Variants in SLC25A39 observed in about 807,000 individuals in gnomAD.
The protein encoded by SLC25A39 is mitochondrial glutathione transporter SLC25A39.
In SLC25A39, 44 loss-of-function variants were observed where a neutral mutation model predicts 46.6. The observed-to-expected ratio is 0.94, with a 90% CI of 0.74 to 1.21. The LOEUF (loss-of-function observed/expected upper bound fraction) is 1.21, where lower values mean the gene tolerates loss of function less well. SLC25A39 is among the 50% of genes most tolerant of loss of function. The pLI is 0.00. For missense variants in SLC25A39, 487 were observed against 473.0 expected (o/e 1.03, Z -0.28); for synonymous variants, 218 against 190.6 (o/e 1.14, Z -1.19).
chr17:44,320,882 C>G, intron 8 of SLC25A39, 151 bp from the exon 9 acceptor site: 1 of 973,598 alleles, frequency 1.0e-6, no homozygotes, highest in African/African-American at 1.6e-5. Context: ...AATTAATCTC[C>G]TGACCGCCTG....
At position 44,322,536 on chromosome 17, in the gene SLC25A39, T is replaced by C. The variant is rs768741107; in HGVS notation, c.207A>G (p.Gln69=). ...AATACAGGAGGCACTTCCCTGTGGA[T>C]TGGAGAGAGGAGGGCACTGGGGAAA... ...LSYTKLPSSL[Q]STGKCLLYCN... is the part of the protein sequence containing the mutation. Residue 69 remains glutamine (Q), a synonymous_variant, in exon 5 of 12, where the codon CAA becomes CAG. Coordinates refer to ENST00000377095, the MANE Select transcript of SLC25A39 (RefSeq NM_001143780.3). 7 of 1,613,994 alleles carry C rather than the reference T, an allele frequency of 4.3e-6. No individual in the cohort carries two copies. Among genetic ancestry groups the C allele is most frequent in the South Asian group, 3.3e-5 (3 of 91,072 alleles).
intron 8 of SLC25A39, 134 bp downstream of exon 8, chr17:44,320,924 C>T: frequency 8.4e-7 from 1 of 1,185,006 alleles, no homozygotes; most frequent in Non-Finnish European, 1.2e-6. Context: ...GCCCACTTCA[C>T]AGATGAGAAA....
chr17:44,322,507 T>C lies in SLC25A39; in HGVS notation c.236A>G (p.Asn79Ser), dbSNP rs199503270. The C allele has an allele frequency of 2.0e-4, 325 of 1,614,000 alleles. 1 individual carries two copies. The highest frequency in any genetic ancestry group is 5.7e-4 in the African/African-American group (43 of 74,982). Reference protein sequence around the residue: ...QSTGKCLLYCNGVLEPLYLCP... With the variant: ...QSTGKCLLYCSGVLEPLYLCP... ...CAGGTACAGAGGCTCCAGGACACCA[T>C]TGCAATACAGGAGGCACTTCCCTGT... The change falls in exon 5 of 12, where the codon AAT (asparagine) becomes AGT (serine). Residue 79 changes from asparagine to serine, a missense_variant. Physicochemically the swap from Asn to Ser is conservative, Grantham distance 46 (BLOSUM62 1). Transcript: ENST00000377095.
intron 9 of SLC25A39, 43 bp from the exon 10 acceptor site, chr17:44,320,479 AC>A: frequency 2.5e-6 from 4 of 1,606,026 alleles, no homozygotes; most frequent in Non-Finnish European, 3.4e-6. Flanking sequence ...CACTTCCTGG[AC>A]CCCCACCCCT....
At chr17:44,323,445 A>ACCCCCCCCC in intron 2 of SLC25A39, 33 bp downstream of exon 2, 9 of 333,704 alleles carry the variant, frequency 2.7e-5, no homozygotes, top group East Asian at 8.3e-5. Context: ...CCCCATCCCC[A>ACCCCCCCCC]CCCGCCCCCA....
chr17:44,320,554 C>T, intron 9 of SLC25A39, 68 bp downstream of exon 9: 1 of 1,580,332 alleles, frequency 6.3e-7, no homozygotes, highest in Non-Finnish European at 8.7e-7. Flanking sequence ...TTCTGGGCAT[C>T]TCCAAAAATC....
rs1032184559 is a variant in SLC25A39, at chr17:44,322,866, C to T, written c.146-14G>A. 2 of 1,613,802 alleles carry T rather than the reference C, an allele frequency of 1.2e-6. No homozygotes were observed. The highest frequency in any genetic ancestry group is 1.3e-5 in the African/African-American group (1 of 74,894). ...AAGGCATCAGCTCTAAAATACAAGG[C>T]AGCCCCTCAAGTCAGGAGAGCCCCC... On this transcript the variant is annotated splice_polypyrimidine_tract_variant and intron_variant, in intron 3 of 11. Transcript: ENST00000377095.
At chr17:44,321,874 C>A in intron 5 of SLC25A39, 107 bp from the exon 6 acceptor site, 1 of 1,168,616 alleles carries the variant, frequency 8.6e-7, no homozygotes, top group Non-Finnish European at 1.2e-6. Flanking sequence ...CCTCTGCCCA[C>A]AGCCCTCAGG....
Position 44,321,731 on chromosome 17 carries a change from T to A in SLC25A39, c.361A>T (p.Arg121Trp), listed in dbSNP as rs373907084. 2.5e-6 allele frequency: 4 copies of A among 1,612,646 alleles called. No individual in the cohort carries two copies. Among genetic ancestry groups the A allele is most frequent in the African/African-American group, 2.7e-5 (2 of 75,042 alleles). ...FVKIVRHEGT[R>W]TLWSGLPATL... ...GCGGGGAGGCCGCTCCAGAGGGTCCTGGTGCCCTCGTGCCTCACGATCTTC... is the reference window on the plus strand; with the variant it reads ...GCGGGGAGGCCGCTCCAGAGGGTCCAGGTGCCCTCGTGCCTCACGATCTTC... Residue 121 changes from arginine to tryptophan, a missense_variant, in exon 6 of 12, where the codon AGG becomes TGG. By Grantham distance (101) the Arg-to-Trp change is moderately radical (BLOSUM62 -3). Transcript: ENST00000377095.
chr17:44,323,441 C>CCG, intron 2 of SLC25A39, 37 bp downstream of exon 2: 1 of 615,142 alleles, frequency 1.6e-6, no homozygotes, highest in Non-Finnish European at 2.6e-6. Context: ...TCTGCCCCAT[C>CCG]CCCACCCGCC....
intron 4 of SLC25A39, 120 bp downstream of exon 4, chr17:44,322,688 G>A: frequency 1.3e-6 from 2 of 1,558,874 alleles, no homozygotes; most frequent in African/African-American, 2.7e-5. Flanking sequence ...GGACTGGCTG[G>A]CAGGACCTGG....
intron 5 of SLC25A39, among the ~76,000 whole-genome samples, chr17:44,322,034 G>A (rs1034834848): frequency 3.9e-5 from 6 of 152,190 alleles, no homozygotes; most frequent in Admixed American, 1.3e-4. Flanking sequence ...TAAATCACTT[G>A]AGGCAGGAGT....
intron 4 of SLC25A39, 66 bp downstream of exon 4, chr17:44,322,742 G>C: frequency 1.2e-6 from 2 of 1,609,386 alleles, no homozygotes; most frequent in Non-Finnish European, 1.7e-6. Context: ...TGGTGCCCTG[G>C]GGACAGGGAC....
intron 1 of SLC25A39, chr17:44,324,061 C>G (rs1334161285): frequency 5.9e-6 from 1 of 169,682 alleles, no homozygotes; most frequent in Non-Finnish European, 1.3e-5. Flanking sequence ...AAAACTAAGG[C>G]TCGGGGAGAC....
At chr17:44,320,768 G>A (rs2048005488) in intron 8 of SLC25A39, 37 bp from the exon 9 acceptor site, 5 of 1,534,478 alleles carry the variant, frequency 3.3e-6, no homozygotes, top group Non-Finnish European at 4.5e-6. Flanking sequence ...AGACGGGAAG[G>A]GCAAGGAAGT....
intron 6 of SLC25A39, 45 bp downstream of exon 6, chr17:44,321,655 G>A (rs879466426): frequency 1.2e-5 from 20 of 1,607,758 alleles, no homozygotes; most frequent in Non-Finnish European, 1.6e-5. Context: ...GGAGCAAAGG[G>A]TCAGGAAGTA....
chr17:44,321,452 C>A lies in SLC25A39; in HGVS notation c.499G>T (p.Ala167Ser), dbSNP rs2048032239. 1 of 1,613,954 alleles carries A rather than the reference C, an allele frequency of 6.2e-7. No homozygotes were observed. The highest frequency in any genetic ancestry group is 1.1e-5 in the South Asian group (1 of 91,086). The change falls in exon 7 of 12, where the codon GCT (alanine) becomes TCT (serine). Residue 167 changes from alanine to serine, a missense_variant. Transcript: ENST00000377095. ...LTSDLYAPMV[A>S]GALARLGTVT... is the part of the protein sequence containing the mutation. ...TGCTCACGGCGGGCCAGCGCGCCAGCCACCATGGGTGCGTAGAGGTCAGAG... is the reference window on the plus strand; with the variant it reads ...TGCTCACGGCGGGCCAGCGCGCCAGACACCATGGGTGCGTAGAGGTCAGAG...
At position 44,324,820 on chromosome 17, in the gene SLC25A39, C is replaced by G. The variant is rs1437326438; in HGVS notation, c.-125G>C. The G allele has an allele frequency of 6.6e-6, 1 of 152,056 alleles. No homozygotes were observed. The highest frequency in any genetic ancestry group is 1.5e-5 in the Non-Finnish European group (1 of 68,024). The allele number at this position is 152,056 out of a possible 1,614,324, so 9.4% of individuals were successfully genotyped here. ...CGCGCTCGCAGCGCACCTAGGCCGA[C>G]GCCGAAAGCAGCCAAGGGGGCCCCG... On this transcript the variant is annotated 5_prime_UTR_variant, in exon 1 of 12. Transcript: ENST00000377095.
intron 5 of SLC25A39, 30 bp downstream of exon 5, chr17:44,322,389 C>G: frequency 6.2e-7 from 1 of 1,613,480 alleles, no homozygotes; most frequent in East Asian, 2.2e-5. Flanking sequence ...CGGACACCGA[C>G]GAATCCCTAC....
Sources: allele counts gnomAD v4.1 joint callset (sites outside exome capture counted in the v4.1 genomes callset), GRCh38; gene constraint gnomAD v4.1.1; transcripts MANE v1.5; gene names NCBI Gene and HGNC (gene_info 2026-07-23, HGNC 2026-07-21).